TPRG1: variants seen among roughly 807,000 people sequenced by gnomAD.
The protein encoded by TPRG1 is tumor protein p63-regulated gene 1 protein.
Under a neutral mutation model 29.3 loss-of-function variants are expected in TPRG1, and 29 were observed. That is an observed-to-expected ratio of 0.99 (90% CI 0.74 to 1.35). The LOEUF (loss-of-function observed/expected upper bound fraction) is 1.35, where lower values mean the gene tolerates loss of function less well. Among genes scored for constraint, TPRG1 ranks in the 40% most tolerant of loss-of-function variants. The probability of loss-of-function intolerance (pLI) is 0.00; values close to 1 mark genes in which losing one functional copy is unlikely to be tolerated. For synonymous variants in TPRG1, 130 were observed against 116.8 expected, an observed-to-expected ratio of 1.11 and a Z score of -0.73; for missense variants, 327 against 335.0, an observed-to-expected ratio of 0.98 and a Z score of 0.19.
intron 3 of TPRG1, among the ~76,000 whole-genome samples, chr3:189,231,354 T>A (rs1054933216): frequency 4.0e-5 from 6 of 151,722 alleles, no homozygotes; most frequent in Non-Finnish European, 7.4e-5. Flanking sequence ...AATGAAAATA[T>A]TTTGTATATC....
intron 4 of TPRG1, among the ~76,000 whole-genome samples, chr3:189,287,994 A>C (rs1339917751): frequency 2.6e-5 from 4 of 151,896 alleles, no homozygotes; most frequent in Non-Finnish European, 5.9e-5. Context: ...TTAAGTTAAT[A>C]AAATTTAAAT....
Position 189,058,912 on chromosome 3 carries a change from C to A in TPRG1, c.-463+34966C>A, listed in dbSNP as rs148248802. Reference sequence around the variant, plus strand: ...TGAAAACGTCCCACATGCACAGATACCAGCAAGCAAGATCGAGCAAACTGA... The same window carrying A: ...TGAAAACGTCCCACATGCACAGATAACAGCAAGCAAGATCGAGCAAACTGA... On this transcript the variant is annotated intron_variant, in intron 4 of 10. Transcript: ENST00000433971. 2.4e-3 allele frequency among the ~76,000 whole-genome samples: 368 copies of A among 152,224 alleles called. 6 individuals carry two copies. Among genetic ancestry groups the A allele is most frequent in the East Asian group, 1.4e-3 (7 of 5,180 alleles).
At position 189,047,633 on chromosome 3, in the gene TPRG1, T is replaced by C. The variant is rs2152137711; in HGVS notation, c.-463+23687T>C. ...TGACAGCATTTTTCCCACAGCAGAA[T>C]TTTCAAAATTGGAGTCAATTATTTG... is the stretch of plus-strand genomic sequence containing the variant. On this transcript the variant is annotated intron_variant, in intron 4 of 10. Transcript: ENST00000433971. 2.6e-5 allele frequency among the ~76,000 whole-genome samples: 4 copies of C among 152,364 alleles called. No individual in the cohort carries two copies. The Middle Eastern group carries it at 0.014, about 518-fold the overall frequency.
intron 1 of TPRG1, chr3:189,121,689 T>G (rs1036933671): frequency 2.6e-5 from 4 of 152,196 alleles, no homozygotes. Flanking sequence ...CTTTTGGACT[T>G]GATGGGGGTC....
At chr3:189,233,156 CTGAG>C (rs1274587788) in intron 3 of TPRG1, among the ~76,000 whole-genome samples, 10 of 126,784 alleles carry the variant, frequency 7.9e-5, no homozygotes, top group Non-Finnish European at 1.6e-5. Flanking sequence ...GATACCTCTA[CTGAG>C]TGTGTATGTG....
intron 4 of TPRG1, among the ~76,000 whole-genome samples, chr3:189,080,169 T>C (rs1387169128): frequency 6.6e-6 from 1 of 152,194 alleles, no homozygotes; most frequent in Non-Finnish European, 1.5e-5. Context: ...TCTTTTAAGT[T>C]TGGACAGCGA....
At chr3:189,203,078 A>T (rs778982873) in intron 1 of TPRG1, among the ~76,000 whole-genome samples, 12 of 152,222 alleles carry the variant, frequency 7.9e-5, no homozygotes, top group Non-Finnish European at 1.8e-4. Context: ...CCAAATAAAA[A>T]AGTTGAACTA....
intron 4 of TPRG1, among the ~76,000 whole-genome samples, chr3:189,252,125 T>A (rs1425367622): frequency 1.3e-5 from 2 of 152,178 alleles, no homozygotes; most frequent in South Asian, 2.1e-4. Context: ...AGCATCTGTT[T>A]AACAAAGCAC....
At chr3:189,067,965 T>G (rs1030822064) in intron 4 of TPRG1, among the ~76,000 whole-genome samples, 4 of 151,940 alleles carry the variant, frequency 2.6e-5, no homozygotes, top group African/African-American at 9.7e-5. Context: ...CTCAAACAAC[T>G]CAATAGGGAA....
At position 189,280,177 on chromosome 3, in the gene TPRG1, C is replaced by A. The variant is rs184790679; in HGVS notation, c.480-30209C>A. 5.3e-3 allele frequency among the ~76,000 whole-genome samples: 813 copies of A among 152,102 alleles called. 5 individuals carry two copies. The highest frequency in any genetic ancestry group is 0.01 in the Middle Eastern group (3 of 292). Reference sequence around the variant, plus strand: ...CTGTTGTAAACAACAGGACTAGCACCATAGTGGTTAGTGAAGAGTGTAGAG... The same window carrying A: ...CTGTTGTAAACAACAGGACTAGCACAATAGTGGTTAGTGAAGAGTGTAGAG... On this transcript the variant is annotated intron_variant, in intron 4 of 5. Coordinates refer to ENST00000345063, the MANE Select transcript of TPRG1 (RefSeq NM_198485.4).
chr3:189,230,607 C>T (rs1738487161), intron 3 of TPRG1, among the ~76,000 whole-genome samples: 1 of 152,240 alleles, frequency 6.6e-6, no homozygotes, highest in African/African-American at 2.4e-5. Flanking sequence ...GAATACTATT[C>T]TCCCGGGTAT....
At chr3:189,112,561 A>G (rs1390581770) in intron 1 of TPRG1, among the ~76,000 whole-genome samples, 1 of 152,194 alleles carries the variant, frequency 6.6e-6, no homozygotes. Context: ...TATAAGGTGT[A>G]AGGAAGGGAT....
chr3:189,002,658 T>C (rs1262472389), intron 2 of TPRG1, among the ~76,000 whole-genome samples: 1 of 152,140 alleles, frequency 6.6e-6, no homozygotes, highest in Non-Finnish European at 1.5e-5. Flanking sequence ...TGGAGCTCCA[T>C]GTTGATAAAT....
intron 4 of TPRG1, among the ~76,000 whole-genome samples, chr3:189,060,218 G>A (rs1716013238): frequency 1.3e-5 from 2 of 152,096 alleles, no homozygotes; most frequent in Non-Finnish European, 2.9e-5. Flanking sequence ...GGCAACAAGA[G>A]CGAAAATCCG....
At chr3:189,309,218 T>C (rs1722104211) in intron 4 of TPRG1, among the ~76,000 whole-genome samples, 1 of 152,102 alleles carries the variant, frequency 6.6e-6, no homozygotes, top group Non-Finnish European at 1.5e-5. Context: ...GTGAGAAAAG[T>C]TCAGGTATTA....
intron 1 of TPRG1, among the ~76,000 whole-genome samples, chr3:189,203,706 T>C (rs1305274587): frequency 6.6e-6 from 1 of 152,214 alleles, no homozygotes; most frequent in Non-Finnish European, 1.5e-5. Context: ...TCAGGTAGTT[T>C]TTATTACATG....
chr3:189,104,156 C>A (rs1250539444), intron 1 of TPRG1, among the ~76,000 whole-genome samples: 1 of 152,024 alleles, frequency 6.6e-6, no homozygotes, highest in Non-Finnish European at 1.5e-5. Flanking sequence ...AGATGCCCCC[C>A]AACAGTAGCA....
At chr3:189,081,511 G>A (rs549158384) in intron 4 of TPRG1, among the ~76,000 whole-genome samples, 46 of 152,250 alleles carry the variant, frequency 3.0e-4, no homozygotes, top group Non-Finnish European at 4.3e-4. Context: ...TGAACAATCC[G>A]AAATTCATGC....
In TPRG1 at chr3:189,207,529, G is replaced by A. The variant is rs774658153; in HGVS notation, c.145G>A (p.Glu49Lys). The A allele has an allele frequency of 7.4e-6, 12 of 1,614,006 alleles. No individual in the cohort carries two copies. In the South Asian group the frequency reaches 8.8e-5, roughly 12 times the overall value. ...RQISRQSSVTESTLYPNPYHQ... is the reference protein window; with the variant it reads ...RQISRQSSVTKSTLYPNPYHQ... Reference sequence around the variant, plus strand: ...GATTTCAAGGCAGTCAAGTGTGACCGAATCAACTCTTTACCCCAATCCTTA... The same window carrying A: ...GATTTCAAGGCAGTCAAGTGTGACCAAATCAACTCTTTACCCCAATCCTTA... The change falls in exon 2 of 6, where the codon GAA (glutamate) becomes AAA (lysine). Residue 49 changes from glutamate (E) to lysine (K), a missense_variant. Coordinates refer to ENST00000345063, the MANE Select transcript of TPRG1 (RefSeq NM_198485.4).
Sources: gnomAD v4.1 joint callset for allele counts (sites outside exome capture counted in the v4.1 genomes callset) on GRCh38, gnomAD v4.1.1 for gene constraint, MANE v1.5 for transcripts, NCBI Gene and HGNC (gene_info 2026-07-23, HGNC 2026-07-21) for gene names.